The following STX6 variants were observed in gnomAD, a reference collection of about 807,000 sequenced individuals.
STX6 encodes syntaxin 6.
Under a neutral mutation model 38.0 loss-of-function variants are expected in STX6, and 23 were observed. That is an observed-to-expected ratio of 0.60 (90% CI 0.43 to 0.86). STX6 has a LOEUF of 0.86. Among genes scored for constraint, STX6 ranks in the 40% least tolerant of loss-of-function variants. The pLI is 0.00. For missense variants in STX6, 274 were observed against 312.9 expected, an observed-to-expected ratio of 0.88 and a Z score of 0.94; for synonymous variants, 123 against 107.5, an observed-to-expected ratio of 1.14 and a Z score of -0.89.
At chr1:181,013,861 G>A (rs536689080) in intron 1 of STX6, among the ~76,000 whole-genome samples, 6 of 152,330 alleles carry the variant, frequency 3.9e-5, no homozygotes, top group African/African-American at 7.2e-5. Flanking sequence ...TGCTCTAACA[G>A]AGTGGCTTCA....
Position 180,972,947 on chromosome 1 carries a change from G to A in STX6, c.*3623C>T, listed in dbSNP as rs904986379. On this transcript the variant is annotated 3_prime_UTR_variant, in exon 8 of 8. Transcript: ENST00000258301. The stretch of plus-strand genomic sequence containing the variant: ...GAAGCAAAGGCCCTGGGAGGAGTAA[G>A]GCCTGTCACTGGGGCAGGGGCACTG... The A allele has an allele frequency of 4.4e-6, 1 of 225,390 alleles. No individual in the cohort carries two copies. The allele number at this position is 225,390 out of a possible 1,614,324, so 14.0% of individuals were successfully genotyped here.
intron 1 of STX6, among the ~76,000 whole-genome samples, chr1:181,010,642 CT>C (rs958811739): frequency 2.7e-5 from 4 of 150,748 alleles, no homozygotes; most frequent in South Asian, 2.1e-4. Flanking sequence ...TCTTTTTTTT[CT>C]TTTTTTTTAC....
intron 1 of STX6, among the ~76,000 whole-genome samples, chr1:181,021,173 A>C (rs1656715383): frequency 6.6e-6 from 1 of 152,204 alleles, no homozygotes; most frequent in Admixed American, 6.5e-5. Flanking sequence ...ATAAAAAGTC[A>C]AACAAAAAAT....
In STX6 at chr1:180,972,821, G is replaced by T; in HGVS notation, c.*3749C>A. 4.0e-6 allele frequency: 1 copy of T among 251,086 alleles called. No individual in the cohort carries two copies. Among genetic ancestry groups the T allele is most frequent in the Non-Finnish European group, 8.1e-6 (1 of 123,194 alleles). 15.6% of individuals were successfully genotyped at this position (251,086 alleles called of 1,614,324 possible). ...TCTAAGCTGAGTTACTCTGATCGGAGCTACTGAAAGGTACCTGCTTTCAGC... is the reference window on the plus strand; with the variant it reads ...TCTAAGCTGAGTTACTCTGATCGGATCTACTGAAAGGTACCTGCTTTCAGC... On this transcript the variant is annotated 3_prime_UTR_variant, in exon 8 of 8. Coordinates refer to ENST00000258301, the MANE Select transcript of STX6 (RefSeq NM_005819.6).
intron 7 of STX6, among the ~76,000 whole-genome samples, chr1:180,978,324 C>T (rs868041949): frequency 3.9e-5 from 6 of 152,176 alleles, no homozygotes; most frequent in Admixed American, 3.3e-4. Context: ...CAGAGAATCA[C>T]AGCTTATCAG....
Position 181,005,393 on chromosome 1 carries a change from AG to A in STX6, c.105del (p.Ser36ProfsTer15). 1 of 1,613,944 alleles carries A rather than the reference AG, an allele frequency of 6.2e-7. No homozygotes were observed. Among genetic ancestry groups the A allele is most frequent in the Non-Finnish European group, 8.5e-7 (1 of 1,179,966 alleles). On this transcript the variant is annotated frameshift_variant, in exon 2 of 8. Transcript: ENST00000258301. LOFTEE classifies it high-confidence loss of function. ...TCGATTTCTTCCCTTGTTGCTGTGG[AG>A]GGGTCCTGGAGGAGCTCTGTCCATC... ...FQRWTELLQD[P>X]STATREEIDW...
intron 6 of STX6, among the ~76,000 whole-genome samples, chr1:180,987,456 T>C (rs1366828260): frequency 6.6e-6 from 1 of 152,228 alleles, no homozygotes; most frequent in Non-Finnish European, 1.5e-5. Flanking sequence ...AGATGGGTTG[T>C]CTTGTCTGCT....
At chr1:181,015,379 T>C (rs1186419721) in intron 1 of STX6, among the ~76,000 whole-genome samples, 1 of 152,228 alleles carries the variant, frequency 6.6e-6, no homozygotes. Context: ...TTCCTCATTT[T>C]AGCCAATAGT....
At chr1:181,002,461 G>A (rs1656110771) in intron 3 of STX6, 145 bp downstream of exon 3, 1 of 552,698 alleles carries the variant, frequency 1.8e-6, no homozygotes, top group South Asian at 2.2e-5. Flanking sequence ...GCCAATCAGA[G>A]AAATTATATA....
chr1:181,001,369 T>C (rs2102318628), intron 3 of STX6, among the ~76,000 whole-genome samples: 1 of 152,348 alleles, frequency 6.6e-6, no homozygotes, highest in East Asian at 1.9e-4. Flanking sequence ...ATCAAATGGC[T>C]TAGCCATATA....
chr1:180,992,085 C>T (rs1655772249), intron 4 of STX6, among the ~76,000 whole-genome samples: 1 of 151,968 alleles, frequency 6.6e-6, no homozygotes, highest in South Asian at 2.1e-4. Context: ...GTTACTTCCA[C>T]TTCCTATAAG....
At chr1:180,976,701 T>C in intron 7 of STX6, 55 bp from the exon 8 acceptor site, 1 of 1,528,044 alleles carries the variant, frequency 6.5e-7, no homozygotes, top group Non-Finnish European at 9.0e-7. Context: ...TTCCCCAAGA[T>C]ACAGTTATAT....
At chr1:180,995,593 C>T (rs1023386262) in intron 3 of STX6, among the ~76,000 whole-genome samples, 40 of 152,218 alleles carry the variant, frequency 2.6e-4, no homozygotes, top group African/African-American at 9.2e-4. Flanking sequence ...CTATGGCTTG[C>T]GCCTATAGTC....
At chr1:180,980,905 T>C (rs1223119530) in intron 7 of STX6, among the ~76,000 whole-genome samples, 1 of 152,174 alleles carries the variant, frequency 6.6e-6, no homozygotes, top group Non-Finnish European at 1.5e-5. Flanking sequence ...AGATGCACAC[T>C]GCTAAGTGAG....
intron 1 of STX6, among the ~76,000 whole-genome samples, chr1:181,020,246 A>C (rs911702618): frequency 5.9e-5 from 9 of 152,222 alleles, no homozygotes; most frequent in Non-Finnish European, 1.3e-4. Context: ...TGAACTTTAA[A>C]TACAGATCAA....
At chr1:180,995,532 A>T (rs1209172608) in intron 3 of STX6, among the ~76,000 whole-genome samples, 1 of 152,224 alleles carries the variant, frequency 6.6e-6, no homozygotes, top group Non-Finnish European at 1.5e-5. Context: ...ACGCAGAGCA[A>T]CATTCACTAG....
chr1:181,020,565 T>A (rs1469832630), intron 1 of STX6, among the ~76,000 whole-genome samples: 1 of 152,108 alleles, frequency 6.6e-6, no homozygotes, highest in Non-Finnish European at 1.5e-5. Context: ...GAAGAACAAT[T>A]AAAAAGACTC....
chr1:180,976,650 G>A lies in STX6; in HGVS notation c.692-4C>T, dbSNP rs537791125. The stretch of plus-strand genomic sequence containing the variant: ...ATGGCACACCATTGGCGCCGATCTG[G>A]AAGGCAGGACATGGGGATTAGCTCT... On this transcript the variant is annotated splice_region_variant and splice_polypyrimidine_tract_variant and intron_variant, in intron 7 of 7. Coordinates refer to ENST00000258301, the MANE Select transcript of STX6 (RefSeq NM_005819.6). 3.7e-6 allele frequency: 6 copies of A among 1,613,174 alleles called. No individual in the cohort carries two copies. The South Asian group carries it at 5.5e-5, about 15-fold the overall frequency.
intron 1 of STX6, 56 bp downstream of exon 1, chr1:181,022,583 G>A: frequency 6.4e-7 from 1 of 1,568,078 alleles, no homozygotes; most frequent in Non-Finnish European, 8.7e-7. Flanking sequence ...CCTAGGAGGT[G>A]CGGGCAGGCA....
Sources: gnomAD v4.1 joint callset for allele counts (sites outside exome capture counted in the v4.1 genomes callset) on GRCh38, gnomAD v4.1.1 for gene constraint, MANE v1.5 for transcripts, NCBI Gene and HGNC (gene_info 2026-07-23, HGNC 2026-07-21) for gene names.